STAB1: variants seen among roughly 807,000 people sequenced by gnomAD.
The protein encoded by STAB1 is stabilin 1, also known as stabilin-1.
Under a neutral mutation model 332.4 loss-of-function variants are expected in STAB1, and 250 were observed. That is an observed-to-expected ratio of 0.75 (90% CI 0.68 to 0.84). The LOEUF is 0.84. Ranked by LOEUF, STAB1 falls within the 40% of genes least tolerant of loss-of-function variation. The probability of loss-of-function intolerance (pLI) is 0.00; values close to 1 mark genes in which losing one functional copy is unlikely to be tolerated. For synonymous variants in STAB1, 1,475 were observed against 1,390.4 expected, an observed-to-expected ratio of 1.06 and a Z score of -1.35; for missense variants, 3,249 against 3,489.7, an observed-to-expected ratio of 0.93 and a Z score of 1.74.
chr3:52,506,593 G>A, intron 17 of STAB1, 99 bp from the exon 18 acceptor site: 1 of 1,345,888 alleles, frequency 7.4e-7, no homozygotes, highest in Non-Finnish European at 9.9e-7. Context: ...TCACTGAGCT[G>A]CCTGTCTGCT....
rs1020576826 is a variant in STAB1, at chr3:52,512,337, C to G, written c.2884-4C>G. The G allele has an allele frequency of 6.2e-7, 1 of 1,612,994 alleles. No individual in the cohort carries two copies. The highest frequency in any genetic ancestry group is 8.5e-7 in the Non-Finnish European group (1 of 1,179,814). ...ATGGAGGCCCTTTCTCACTCCCACCCCAGGCCACCTGCCGGGCAGTGGGGG... is the reference window on the plus strand; with the variant it reads ...ATGGAGGCCCTTTCTCACTCCCACCGCAGGCCACCTGCCGGGCAGTGGGGG... On this transcript the variant is annotated splice_region_variant and splice_polypyrimidine_tract_variant and intron_variant, in intron 26 of 68. Coordinates refer to ENST00000321725, the MANE Select transcript of STAB1 (RefSeq NM_015136.3).
chr3:52,507,472 C>T, intron 18 of STAB1, 141 bp from the exon 19 acceptor site: 1 of 892,650 alleles, frequency 1.1e-6, no homozygotes, highest in Non-Finnish European at 1.7e-6. Context: ...CTGCTCTCCT[C>T]TGCCTGGAAT....
Position 52,522,039 on chromosome 3 carries a change from G to T in STAB1, c.6274G>T (p.Ala2092Ser). Residue 2092 changes from alanine to serine, a missense_variant and splice_region_variant, in exon 59 of 69, where the codon GCA becomes TCA. Physicochemically the swap from Ala to Ser is moderately conservative, Grantham distance 99. Transcript: ENST00000321725. ...YEGDGRVCTV[A>S]DLCQDGHGGC... ...AACCACTCCCTCCCTGCCCTCAGTG[G>T]CAGACCTGTGCCAGGACGGGCATGG... 2 of 1,613,298 alleles carry T rather than the reference G, an allele frequency of 1.2e-6. No homozygotes were observed. The highest frequency in any genetic ancestry group is 2.2e-5 in the South Asian group (2 of 91,082).
chr3:52,520,125 G>C lies in STAB1; in HGVS notation c.5412+5G>C, dbSNP rs779192248. 6.2e-7 allele frequency: 1 copy of C among 1,611,274 alleles called. No individual in the cohort carries two copies. The highest frequency in any genetic ancestry group is 1.7e-5 in the Admixed American group (1 of 59,966). On this transcript the variant is annotated splice_donor_5th_base_variant and intron_variant, in intron 51 of 68. Coordinates refer to ENST00000321725, the MANE Select transcript of STAB1 (RefSeq NM_015136.3). ...CACATGATTCGCAATGTCGAGGTGG[G>C]TGCAGCCCCCAACCTTGGTCTTCAC...
Position 52,509,914 on chromosome 3 carries a change from G to T in STAB1, c.2392G>T (p.Gly798Trp), listed in dbSNP as rs762026470. 4.0e-5 allele frequency: 65 copies of T among 1,612,684 alleles called. No individual in the cohort carries two copies. The highest frequency in any genetic ancestry group is 4.5e-5 in the Non-Finnish European group (53 of 1,179,872). ...TCTCTGCGACAACCGCCCAGGCAGT[G>T]GGGGGGTGTGCCAGCAGGGCACGTG... ...HGLCDNRPGS[G>W]GVCQQGTCAP... Residue 798 changes from glycine to tryptophan, a missense_variant, in exon 23 of 69, where the codon GGG becomes TGG. Transcript: ENST00000321725.
chr3:52,519,986 C>A lies in STAB1; in HGVS notation c.5278C>A (p.Pro1760Thr). Residue 1760 changes from proline (P) to threonine (T), a missense_variant, in exon 51 of 69, where the codon CCC becomes ACC. Physicochemically the swap from Pro to Thr is conservative, Grantham distance 38 (BLOSUM62 -1). Transcript: ENST00000321725. ...CCTGCTTCGAGAGGCATCCCATAGG[C>A]CCTTCACAATGCTGTGGCCCACAGA... ...LPLLREASHR[P>T]FTMLWPTDAA... The A allele has an allele frequency of 1.2e-6, 2 of 1,609,918 alleles. No individual in the cohort carries two copies. Among genetic ancestry groups the A allele is most frequent in the Admixed American group, 1.7e-5 (1 of 59,862 alleles).
chr3:52,508,301 G>C lies in STAB1; in HGVS notation c.2177G>C (p.Gly726Ala). 1 of 1,613,150 alleles carries C rather than the reference G, an allele frequency of 6.2e-7. No homozygotes were observed. The highest frequency in any genetic ancestry group is 8.5e-7 in the Non-Finnish European group (1 of 1,179,612). The change falls in exon 21 of 69, where the codon GGG becomes GCG. Residue 726 changes from glycine (G) to alanine (A), a missense_variant. Physicochemically the swap from Gly to Ala is moderately conservative, Grantham distance 60. Transcript: ENST00000321725. Reference protein sequence around the residue: ...MEQGCCKGFFGPDCTQCPGGF... With the variant: ...MEQGCCKGFFAPDCTQCPGGF... The stretch of plus-strand genomic sequence containing the variant: ...CAAGGCTGCTGCAAAGGTTTTTTCG[G>C]GCCTGACTGCACGCAGTGTCCTGGG...
Position 52,518,968 on chromosome 3 carries a change from C to A in STAB1, c.5034+99C>A, listed in dbSNP as rs1400104454. ...ACGGCCCACGCAGTCAAGAACCCCA[C>A]CTCCCCTAGCCAGGGGGCGCCTCCT... On this transcript the variant is annotated intron_variant, in intron 48 of 68. Transcript: ENST00000321725. The A allele has an allele frequency of 1.1e-5, 15 of 1,354,344 alleles. No homozygotes were observed. The East Asian group carries it at 3.0e-4, about 27-fold the overall frequency. The allele number at this position is 1,354,344 out of a possible 1,614,324, so 83.9% of individuals were successfully genotyped here.
At position 52,512,397 on chromosome 3, in the gene STAB1, TG is replaced by T; in HGVS notation, c.2945del (p.Gly982ValfsTer53). 1.9e-6 allele frequency: 3 copies of T among 1,610,200 alleles called. No homozygotes were observed. The highest frequency in any genetic ancestry group is 2.5e-6 in the Non-Finnish European group (3 of 1,178,838). ...GGGTCTGCACGTGCCCCCCTGGCTTTGGGGGTGATGGCTTCAGCTGTTATGG... is the reference window on the plus strand; with the variant it reads ...GGGTCTGCACGTGCCCCCCTGGCTTTGGGGTGATGGCTTCAGCTGTTATGG... ...QRVCTCPPGF[G>X]GDGFSCYGDI... On this transcript the variant is annotated frameshift_variant, in exon 27 of 69. Coordinates refer to ENST00000321725, the MANE Select transcript of STAB1 (RefSeq NM_015136.3). LOFTEE classifies it high-confidence loss of function.
Position 52,512,615 on chromosome 3 carries a change from A to G in STAB1, c.2999A>G (p.His1000Arg). The change falls in exon 28 of 69, where the codon CAC becomes CGC. Residue 1000 changes from histidine to arginine, a missense_variant. By Grantham distance (29) the His-to-Arg change is conservative. Coordinates refer to ENST00000321725, the MANE Select transcript of STAB1 (RefSeq NM_015136.3). ...CCTTAGGAGCTGGAGGCAAATGCCC[A>G]CTTCTCCATCTTCTACCAATGGCTT... ...DIFRELEANA[H>R]FSIFYQWLKS... 1 of 1,613,800 alleles carries G rather than the reference A, an allele frequency of 6.2e-7. No individual in the cohort carries two copies. The highest frequency in any genetic ancestry group is 1.7e-4 in the Middle Eastern group (1 of 6,056).
rs763655661 is a variant in STAB1 at position 52,510,480 on chromosome 3, C to G, written c.2760C>G (p.Ala920=). The change falls in exon 25 of 69, where the codon GCC becomes GCG. Residue 920 remains alanine, a synonymous_variant. Coordinates refer to ENST00000321725, the MANE Select transcript of STAB1 (RefSeq NM_015136.3). ...TGAGAGGTGGCTGCCACACCGATGC[C>G]CTCTGCAGCTATGTGGGCCCCGGGC... ...LDMRGGCHTD[A]LCSYVGPGQS... 1 of 1,613,570 alleles carries G rather than the reference C, an allele frequency of 6.2e-7. No homozygotes were observed. Among genetic ancestry groups the G allele is most frequent in the Non-Finnish European group, 8.5e-7 (1 of 1,179,934 alleles).
Position 52,523,153 on chromosome 3 carries a change from T to TG in STAB1, c.7020+24dup, listed in dbSNP as rs749549996. 1.2e-6 allele frequency: 2 copies of TG among 1,608,306 alleles called. No homozygotes were observed. The highest frequency in any genetic ancestry group is 3.3e-5 in the Admixed American group (2 of 59,854). ...CTATGGGGTGTGTGGGGGCCACCCTTGGGGGCGGGGGGTGCTGGGATCCCC... is the reference window on the plus strand; with the variant it reads ...CTATGGGGTGTGTGGGGGCCACCCTTGGGGGGCGGGGGGTGCTGGGATCCCC... On this transcript the variant is annotated intron_variant, in intron 63 of 68. Coordinates refer to ENST00000321725, the MANE Select transcript of STAB1 (RefSeq NM_015136.3).
Position 52,513,766 on chromosome 3 carries a change from C to T in STAB1, c.3320C>T (p.Thr1107Ile). Residue 1107 changes from threonine (T) to isoleucine (I), a missense_variant, in exon 31 of 69, where the codon ACC becomes ATC. Thr to Ile is a moderately conservative substitution (Grantham distance 89). Transcript: ENST00000321725. ...GTGGATGTGGCTGACCTCCTTGCCACCAACGGTGTCCTACACATCCTCAGC... is the reference window on the plus strand; with the variant it reads ...GTGGATGTGGCTGACCTCCTTGCCATCAACGGTGTCCTACACATCCTCAGC... ...ASVDVADLLA[T>I]NGVLHILSQV... 1.2e-6 allele frequency: 2 copies of T among 1,613,402 alleles called. No homozygotes were observed. The highest frequency in any genetic ancestry group is 1.1e-5 in the South Asian group (1 of 91,084).
chr3:52,517,165 A>G (rs2078898058), intron 42 of STAB1, 56 bp downstream of exon 42: 1 of 1,511,600 alleles, frequency 6.6e-7, no homozygotes, highest in Non-Finnish European at 8.8e-7. Context: ...GGCTTCAGTG[A>G]TCTGAGTCAG....
chr3:52,516,661 T>A (rs778203296), intron 40 of STAB1, 31 bp from the exon 41 acceptor site: 1 of 1,612,202 alleles, frequency 6.2e-7, no homozygotes, highest in African/African-American at 1.3e-5. Context: ...TGGACAGGCA[T>A]GGGCTAAGCT....
intron 41 of STAB1, 51 bp downstream of exon 41, chr3:52,516,819 T>TC: frequency 6.3e-7 from 1 of 1,593,246 alleles, no homozygotes; most frequent in Non-Finnish European, 8.5e-7. Flanking sequence ...GGGGTGGCTG[T>TC]CCCCACAGAG....
intron 1 of STAB1, among the ~76,000 whole-genome samples, chr3:52,500,765 G>T (rs952310665): frequency 1.3e-5 from 2 of 152,228 alleles, no homozygotes; most frequent in Non-Finnish European, 2.9e-5. Flanking sequence ...TTCACACCCT[G>T]TTCATGGATG....
At chr3:52,513,311 C>A in intron 30 of STAB1, 70 bp downstream of exon 30, 3 of 1,441,876 alleles carry the variant, frequency 2.1e-6, no homozygotes, top group Admixed American at 2.4e-5. Flanking sequence ...TGGCTGCAGG[C>A]TCTCCCACAT....
intron 30 of STAB1, 70 bp from the exon 31 acceptor site, chr3:52,513,647 G>T: frequency 6.7e-7 from 1 of 1,503,398 alleles, no homozygotes. Context: ...CAGTCTCTCT[G>T]TTGGGGCTGC....
Sources: gnomAD v4.1 joint callset for allele counts (sites outside exome capture counted in the v4.1 genomes callset) on GRCh38, gnomAD v4.1.1 for gene constraint, MANE v1.5 for transcripts, NCBI Gene and HGNC (gene_info 2026-07-23, HGNC 2026-07-21) for gene names.